Variants in METTL14 observed in about 807,000 individuals in gnomAD.
METTL14 encodes methyltransferase 14, N6-adenosine-methyltransferase non-catalytic subunit.
Under a neutral mutation model 62.4 loss-of-function variants are expected in METTL14, and 32 were observed. The observed-to-expected ratio is 0.51, with a 90% CI of 0.39 to 0.69. METTL14 has a LOEUF of 0.69. Among genes scored for constraint, METTL14 ranks in the 30% least tolerant of loss-of-function variants. The pLI, the probability that METTL14 is intolerant of heterozygous loss-of-function variation, is 0.00. For missense variants in METTL14, 340 were observed against 551.9 expected (o/e 0.62, Z 3.85); for synonymous variants, 150 against 180.0 (o/e 0.83, Z 1.34).
chr4:118,701,728 A>T, intron 8 of METTL14, among the ~76,000 whole-genome samples: 1 of 152,178 alleles, frequency 6.6e-6, no homozygotes, highest in Non-Finnish European at 1.5e-5. Context: ...TATCTCATTT[A>T]ATGATTCCAA....
chr4:118,691,491 C>A, intron 3 of METTL14, 41 bp from the exon 4 acceptor site: 4 of 1,052,714 alleles, frequency 3.8e-6, no homozygotes, highest in African/African-American at 1.6e-5. Context: ...GAGAAATAAC[C>A]CCTATTTGTA....
chr4:118,712,944 G>T lies in METTL14; in HGVS notation c.*2642G>T, dbSNP rs1724964648. The stretch of plus-strand genomic sequence containing the variant: ...GGGCAGGTAGTTGATGATGTCAGGA[G>T]AACAGATTTTATGGTGTGGAATACC... On this transcript the variant is annotated 3_prime_UTR_variant, in exon 11 of 11. Transcript: ENST00000388822. The T allele has an allele frequency of 6.6e-6, 1 of 152,260 alleles. No homozygotes were observed. The highest frequency in any genetic ancestry group is 2.1e-4 in the South Asian group (1 of 4,828). 9.4% of individuals were successfully genotyped at this position (152,260 alleles called of 1,614,324 possible).
At chr4:118,709,479 T>C (rs1579078613) in intron 10 of METTL14, among the ~76,000 whole-genome samples, 1 of 151,080 alleles carries the variant, frequency 6.6e-6, no homozygotes, top group African/African-American at 2.4e-5. Flanking sequence ...ATTGACCTTG[T>C]AAAAAAAAAT....
chr4:118,696,963 A>G (rs1171216756), intron 6 of METTL14, among the ~76,000 whole-genome samples: 2 of 152,172 alleles, frequency 1.3e-5, no homozygotes, highest in Non-Finnish European at 2.9e-5. Flanking sequence ...GTCTTAAGAA[A>G]GATCACTGGT....
At chr4:118,706,706 A>C (rs768601072) in intron 10 of METTL14, among the ~76,000 whole-genome samples, 10 of 152,204 alleles carry the variant, frequency 6.6e-5, no homozygotes, top group Non-Finnish European at 1.3e-4. Context: ...ACCGGCAGTG[A>C]GAGTTCCTGT....
At position 118,685,612 on chromosome 4, in the gene METTL14, T is replaced by A. The variant is rs756110245; in HGVS notation, c.66+12T>A. ...TCCTCGCGCAGCAGGTCCGCGGCCC[T>A]GGTGTCCCCTGTGGGAGGGATCGAG... On this transcript the variant is annotated intron_variant, in intron 1 of 10. Coordinates refer to ENST00000388822, the MANE Select transcript of METTL14 (RefSeq NM_020961.4). The A allele has an allele frequency of 1.2e-6, 2 of 1,613,488 alleles. No individual in the cohort carries two copies. Among genetic ancestry groups the A allele is most frequent in the Non-Finnish European group, 1.7e-6 (2 of 1,179,584 alleles).
At chr4:118,702,895 C>T (rs529624521) in intron 8 of METTL14, among the ~76,000 whole-genome samples, 93 of 148,868 alleles carry the variant, frequency 6.2e-4, no homozygotes, top group Non-Finnish European at 1.2e-3. Flanking sequence ...GGGGGAACTC[C>T]CAACAGGATT....
At chr4:118,692,176 C>A in intron 5 of METTL14, 108 bp downstream of exon 5, 1 of 666,702 alleles carries the variant, frequency 1.5e-6, no homozygotes. Context: ...AGCTTGACAT[C>A]TTTTTTTCGT....
At chr4:118,700,417 TGTTA>T (rs1420750175) in intron 7 of METTL14, 129 bp from the exon 8 acceptor site, 3 of 638,316 alleles carry the variant, frequency 4.7e-6, no homozygotes, top group Admixed American at 2.9e-5. Context: ...ATTTATTTTC[TGTTA>T]GTTCCTAATG....
In METTL14 at chr4:118,685,416, A is replaced by T. The variant is rs1248093616; in HGVS notation, c.-119A>T. 6 of 1,012,688 alleles carry T rather than the reference A, an allele frequency of 5.9e-6. No individual in the cohort carries two copies. Among genetic ancestry groups the T allele is most frequent in the African/African-American group, 1.6e-5 (1 of 63,194 alleles). The allele number at this position is 1,012,688 out of a possible 1,614,324, so 62.7% of individuals were successfully genotyped here. ...GAAGTCTCTACTGAGGAAAGCTATG[A>T]GGATACTCTGTTCGTAAGCTCCCGG... On this transcript the variant is annotated 5_prime_UTR_variant, in exon 1 of 11. Transcript: ENST00000388822.
rs548422760 is a variant in METTL14, at chr4:118,691,482, A to G, written c.244-50A>G. On this transcript the variant is annotated intron_variant, in intron 3 of 10. Coordinates refer to ENST00000388822, the MANE Select transcript of METTL14 (RefSeq NM_020961.4). ...TTGAGTTTTAATCAGGATGTGATAG[A>G]GAAATAACCCCTATTTGTAAAATAT... 1.9e-5 allele frequency: 18 copies of G among 972,042 alleles called. No homozygotes were observed. In the East Asian group the frequency reaches 4.9e-4, roughly 26 times the overall value. The allele number at this position is 972,042 out of a possible 1,614,324, so 60.2% of individuals were successfully genotyped here. A position where few individuals can be genotyped will look rare whatever the true frequency, so the allele number is the denominator to read the frequency against.
At position 118,685,426 on chromosome 4, in the gene METTL14, G is replaced by T. The variant is rs889260795; in HGVS notation, c.-109G>T. ...CTGAGGAAAGCTATGAGGATACTCTGTTCGTAAGCTCCCGGTGAATTTTGT... is the reference window on the plus strand; with the variant it reads ...CTGAGGAAAGCTATGAGGATACTCTTTTCGTAAGCTCCCGGTGAATTTTGT... On this transcript the variant is annotated 5_prime_UTR_variant, in exon 1 of 11. Coordinates refer to ENST00000388822, the MANE Select transcript of METTL14 (RefSeq NM_020961.4). 4.6e-5 allele frequency: 52 copies of T among 1,126,136 alleles called. No individual in the cohort carries two copies. The highest frequency in any genetic ancestry group is 6.2e-5 in the Non-Finnish European group (46 of 743,324). 69.8% of individuals were successfully genotyped at this position (1,126,136 alleles called of 1,614,324 possible). A position where few individuals can be genotyped will look rare whatever the true frequency, so the allele number is the denominator to read the frequency against.
chr4:118,697,653 T>G (rs1440723993), intron 7 of METTL14, among the ~76,000 whole-genome samples: 1 of 152,192 alleles, frequency 6.6e-6, no homozygotes, highest in Non-Finnish European at 1.5e-5. Flanking sequence ...TGCATTTGAT[T>G]AGTTTCAGTA....
chr4:118,685,511 A>C lies in METTL14; in HGVS notation c.-24A>C. On this transcript the variant is annotated 5_prime_UTR_variant, in exon 1 of 11. Transcript: ENST00000388822. Reference sequence around the variant, plus strand: ...CACTGGAGATTGACAAGTACTCGGGATAGTGAAAAGCCGGAGTTGGAACAT... The same window carrying C: ...CACTGGAGATTGACAAGTACTCGGGCTAGTGAAAAGCCGGAGTTGGAACAT... 1 of 1,612,470 alleles carries C rather than the reference A, an allele frequency of 6.2e-7. No homozygotes were observed.
At chr4:118,685,691 T>A in intron 1 of METTL14, 91 bp downstream of exon 1, 1 of 1,086,618 alleles carries the variant, frequency 9.2e-7, no homozygotes, top group Middle Eastern at 2.8e-4. Flanking sequence ...TTCTGTCCCT[T>A]CTCTACCTGC....
intron 5 of METTL14, among the ~76,000 whole-genome samples, chr4:118,692,468 A>ATG (rs1579067409): frequency 6.6e-6 from 1 of 151,998 alleles, no homozygotes; most frequent in Non-Finnish European, 1.5e-5. Context: ...AGGTTTCACC[A>ATG]TGTTGGCCAG....
chr4:118,693,058 C>CA (rs1724301920), intron 5 of METTL14, among the ~76,000 whole-genome samples: 1 of 152,160 alleles, frequency 6.6e-6, no homozygotes, highest in South Asian at 2.1e-4. Context: ...ACCTTTCTGA[C>CA]AACTACTCTC....
Position 118,715,212 on chromosome 4 carries a change from T to G in METTL14, c.*4910T>G, listed in dbSNP as rs1011653984. The G allele has an allele frequency of 6.6e-6, 1 of 152,234 alleles. No homozygotes were observed. The highest frequency in any genetic ancestry group is 1.5e-5 in the Non-Finnish European group (1 of 68,036). 9.4% of individuals were successfully genotyped at this position (152,234 alleles called of 1,614,324 possible). A position where few individuals can be genotyped will look rare whatever the true frequency, so the allele number is the denominator to read the frequency against. On this transcript the variant is annotated 3_prime_UTR_variant, in exon 11 of 11. Coordinates refer to ENST00000388822, the MANE Select transcript of METTL14 (RefSeq NM_020961.4). ...TATAACTGTTGTTATCATAAGAGAATGGCTACATCATTATCCTGCCTTTTC... is the reference window on the plus strand; with the variant it reads ...TATAACTGTTGTTATCATAAGAGAAGGGCTACATCATTATCCTGCCTTTTC...
At chr4:118,706,546 T>A (rs1478489446) in intron 10 of METTL14, among the ~76,000 whole-genome samples, 2 of 152,252 alleles carry the variant, frequency 1.3e-5, no homozygotes, top group African/African-American at 4.8e-5. Context: ...AATGGAAATC[T>A]GTGTACAGGT....
Sources: allele counts gnomAD v4.1 joint callset (sites outside exome capture counted in the v4.1 genomes callset), GRCh38; gene constraint gnomAD v4.1.1; transcripts MANE v1.5; gene names NCBI Gene and HGNC (gene_info 2026-07-23, HGNC 2026-07-21).